Variants in ARPC1A observed in about 807,000 individuals in gnomAD.
The protein encoded by ARPC1A is actin-related protein 2/3 complex subunit 1A.
A neutral mutation model predicts 46.9 loss-of-function variants in ARPC1A; 8 were observed. The observed-to-expected ratio is 0.17, with a 90% CI of 0.10 to 0.31. ARPC1A has a LOEUF of 0.31. Among genes scored for constraint, ARPC1A ranks in the 10% least tolerant of loss-of-function variants. The pLI is 1.00. For synonymous variants in ARPC1A, 152 were observed against 169.0 expected, an observed-to-expected ratio of 0.90 and a Z score of 0.78; for missense variants, 286 against 483.6, an observed-to-expected ratio of 0.59 and a Z score of 3.83.
At chr7:99,364,769 C>A (rs1465760904) in intron 9 of ARPC1A, among the ~76,000 whole-genome samples, 1 of 152,056 alleles carries the variant, frequency 6.6e-6, no homozygotes, top group Admixed American at 6.6e-5. Context: ...ATTTAATAAA[C>A]ATTTAGTACA....
At chr7:99,354,920 C>T (rs1793604951) in intron 6 of ARPC1A, among the ~76,000 whole-genome samples, 1 of 151,898 alleles carries the variant, frequency 6.6e-6, no homozygotes, top group South Asian at 2.1e-4. Flanking sequence ...TGAGACCAGC[C>T]TGACTAACAT....
chr7:99,336,175 T>C (rs1793247755), intron 2 of ARPC1A, among the ~76,000 whole-genome samples: 1 of 152,204 alleles, frequency 6.6e-6, no homozygotes, highest in African/African-American at 2.4e-5. Flanking sequence ...TTTAAACTAC[T>C]TGATAAATTC....
In ARPC1A at chr7:99,344,353, A is replaced by G. The variant is rs1406100266; in HGVS notation, c.230A>G (p.Tyr77Cys). 1.2e-6 allele frequency: 2 copies of G among 1,614,024 alleles called. No individual in the cohort carries two copies. Among genetic ancestry groups the G allele is most frequent in the Non-Finnish European group, 8.5e-7 (1 of 1,179,874 alleles). ...IVTCGADRNAYVWSQKDGVWK... is the reference protein window; with the variant it reads ...IVTCGADRNACVWSQKDGVWK... ...ACTTGTGGGGCAGACCGCAATGCCT[A>G]TGTCTGGAGTCAGAAAGATGGTGTT... Residue 77 changes from tyrosine to cysteine, a missense_variant, in exon 4 of 10, where the codon TAT becomes TGT. Tyr to Cys is a radical substitution (Grantham distance 194). Around this residue, in one of 5 missense-constraint regions of ARPC1A, gnomAD observed 38 missense variants for 95.8 expected, o/e 0.40. Transcript: ENST00000262942.
At chr7:99,363,962 T>A (rs1793783055) in intron 9 of ARPC1A, among the ~76,000 whole-genome samples, 1 of 152,224 alleles carries the variant, frequency 6.6e-6, no homozygotes. Flanking sequence ...CATTTTTTTT[T>A]CTTTCTTTTT....
At chr7:99,362,514 T>C (rs1793763223) in intron 8 of ARPC1A, among the ~76,000 whole-genome samples, 1 of 148,628 alleles carries the variant, frequency 6.7e-6, no homozygotes, top group Non-Finnish European at 1.5e-5. Flanking sequence ...TTTTTTTTTT[T>C]GTATCTTTTA....
chr7:99,336,895 G>C (rs1793264426), intron 2 of ARPC1A, among the ~76,000 whole-genome samples: 1 of 152,120 alleles, frequency 6.6e-6, no homozygotes, highest in Non-Finnish European at 1.5e-5. Flanking sequence ...GCCAAGGCAG[G>C]AGAATTGCTT....
rs144694473 is a variant in ARPC1A, at chr7:99,358,056, T to A, written c.714-284T>A. Among the ~76,000 whole-genome samples, 132 of 152,194 alleles carry A rather than the reference T, an allele frequency of 8.7e-4. No individual in the cohort carries two copies. The East Asian group carries it at 0.023, about 27-fold the overall frequency. ...GTGGACCGTGGGATCATGGGGGTGA[T>A]CCCTTTAGAGCTGTGCTGGGGGTGG... On this transcript the variant is annotated intron_variant, in intron 6 of 9. Coordinates refer to ENST00000262942, the MANE Select transcript of ARPC1A (RefSeq NM_006409.4).
intron 9 of ARPC1A, 64 bp downstream of exon 9, chr7:99,363,697 A>G: frequency 8.6e-7 from 1 of 1,162,140 alleles, no homozygotes; most frequent in South Asian, 1.4e-5. Context: ...TTTTTAAGAG[A>G]TAGGCTCCTT....
At chr7:99,346,688 A>G (rs1378070691) in intron 4 of ARPC1A, among the ~76,000 whole-genome samples, 1 of 152,166 alleles carries the variant, frequency 6.6e-6, no homozygotes, top group African/African-American at 2.4e-5. Flanking sequence ...TAAAAAAATT[A>G]CATTATAAAG....
At chr7:99,333,441 T>A (rs1277602673) in intron 2 of ARPC1A, 24 bp downstream of exon 2, 2 of 1,603,000 alleles carry the variant, frequency 1.2e-6, no homozygotes, top group Non-Finnish European at 1.7e-6. Context: ...TAACTTTGCT[T>A]TTGTATTTTG....
At position 99,363,533 on chromosome 7, in the gene ARPC1A, T is replaced by C. The variant is rs774931958; in HGVS notation, c.984-10T>C. 4 of 1,607,842 alleles carry C rather than the reference T, an allele frequency of 2.5e-6. No homozygotes were observed. The highest frequency in any genetic ancestry group is 1.3e-5 in the African/African-American group (1 of 74,734). On this transcript the variant is annotated splice_polypyrimidine_tract_variant and intron_variant, in intron 8 of 9. Transcript: ENST00000262942. ...TACCTTACGATCTCTTTTGCTTTGC[T>C]TTTTTTCAGTCAAGTCTCTATTTAT...
intron 5 of ARPC1A, among the ~76,000 whole-genome samples, chr7:99,351,569 G>A (rs948877636): frequency 2.0e-5 from 3 of 152,184 alleles, no homozygotes; most frequent in African/African-American, 7.2e-5. Flanking sequence ...GTTGGTGGCT[G>A]AGAGCCACTG....
At chr7:99,347,398 C>T (rs928932701) in intron 4 of ARPC1A, among the ~76,000 whole-genome samples, 1 of 152,140 alleles carries the variant, frequency 6.6e-6, no homozygotes. Flanking sequence ...CTTCTTCAGA[C>T]AGGATACTAA....
At chr7:99,364,143 C>T (rs550365096) in intron 9 of ARPC1A, among the ~76,000 whole-genome samples, 113 of 151,790 alleles carry the variant, frequency 7.4e-4, no homozygotes, top group Non-Finnish European at 1.2e-3. Flanking sequence ...TTAGTACAGA[C>T]GGGGTTTCAC....
intron 3 of ARPC1A, 51 bp downstream of exon 3, chr7:99,338,336 C>CT: frequency 8.3e-7 from 1 of 1,208,186 alleles, no homozygotes; most frequent in Non-Finnish European, 1.2e-6. Context: ...ATCAGGCACT[C>CT]TTCCTTTTAG....
At position 99,336,481 on chromosome 7, in the gene ARPC1A, A is replaced by ATTTT. The variant is rs757908410; in HGVS notation, c.65-1675_65-1672dup. Among the ~76,000 whole-genome samples the ATTTT allele has an allele frequency of 2.0e-4, 21 of 103,200 alleles. 1 individual carries two copies. The highest frequency in any genetic ancestry group is 3.8e-4 in the African/African-American group (9 of 23,924). The allele number at this position is 103,200 out of a possible 152,430, so 67.7% of individuals were successfully genotyped here. ...CCTAAAGTTTGGATCATAGGTCTTAATTTTTTTTTTTTTTTTTTTTTTTTT... is the reference window on the plus strand; with the variant it reads ...CCTAAAGTTTGGATCATAGGTCTTAATTTTTTTTTTTTTTTTTTTTTTTTTTTTT... On this transcript the variant is annotated intron_variant, in intron 2 of 9. Coordinates refer to ENST00000262942, the MANE Select transcript of ARPC1A (RefSeq NM_006409.4).
intron 1 of ARPC1A, among the ~76,000 whole-genome samples, chr7:99,330,289 T>G (rs1178937979): frequency 6.6e-6 from 1 of 152,046 alleles, no homozygotes; most frequent in Non-Finnish European, 1.5e-5. Flanking sequence ...TGCACTTACC[T>G]TTGGGTTCCC....
rs181594003 is a variant in ARPC1A, at chr7:99,344,140, C to T, written c.170-153C>T. On this transcript the variant is annotated intron_variant, in intron 3 of 9. Coordinates refer to ENST00000262942, the MANE Select transcript of ARPC1A (RefSeq NM_006409.4). ...GAAGCATCCTTGCCTTTCCTTGAGG[C>T]GGTGATCAGGACATAGATAGTGGGA... is the stretch of plus-strand genomic sequence containing the variant. Among the ~76,000 whole-genome samples, 190 of 152,244 alleles carry T rather than the reference C, an allele frequency of 1.2e-3. 2 individuals carry two copies. Among genetic ancestry groups the T allele is most frequent in the African/African-American group, 4.1e-3 (172 of 41,544 alleles).
chr7:99,350,048 G>A (rs1793522798), intron 5 of ARPC1A, among the ~76,000 whole-genome samples: 1 of 152,102 alleles, frequency 6.6e-6, no homozygotes, highest in African/African-American at 2.4e-5. Flanking sequence ...AATGGAAGCA[G>A]TTTGTGATCC....
Sources: allele counts gnomAD v4.1 joint callset (sites outside exome capture counted in the v4.1 genomes callset), GRCh38; gene constraint gnomAD v4.1.1; regional missense constraint gnomAD v4.1.1; transcripts MANE v1.5; gene names NCBI Gene and HGNC (gene_info 2026-07-23, HGNC 2026-07-21).